DPH6: variants seen among roughly 807,000 people sequenced by gnomAD.
The protein encoded by DPH6 is diphthamine biosynthesis 6, also known as diphthine--ammonia ligase.
In DPH6, 33 loss-of-function variants were observed where a neutral mutation model predicts 38.2. That is an observed-to-expected ratio of 0.86 (90% CI 0.65 to 1.15). The LOEUF (loss-of-function observed/expected upper bound fraction) is 1.15, where lower values mean the gene tolerates loss of function less well. Ranked by LOEUF, DPH6 falls within the 50% of genes most tolerant of loss-of-function variation. The pLI is 0.00. For synonymous variants in DPH6, 108 were observed against 103.0 expected, an observed-to-expected ratio of 1.05 and a Z score of -0.30; for missense variants, 325 against 320.0, an observed-to-expected ratio of 1.02 and a Z score of -0.12.
the DPH6 span, among the ~76,000 whole-genome samples, chr15:35,161,838 A>G: frequency 6.6e-6 from 1 of 151,920 alleles, no homozygotes; most frequent in African/African-American, 2.4e-5. Flanking sequence ...AACTGTGAGA[A>G]ATAAATTTCT....
At chr15:35,481,585 A>G (rs1200903672) in intron 3 of DPH6, among the ~76,000 whole-genome samples, 7 of 152,290 alleles carry the variant, frequency 4.6e-5, no homozygotes, top group Admixed American at 3.9e-4. Context: ...AATTGTTTTA[A>G]TGCATGATTA....
chr15:35,283,221 C>T (rs2051914229), intron 3 of DPH6, among the ~76,000 whole-genome samples: 1 of 145,018 alleles, frequency 6.9e-6, no homozygotes, highest in Non-Finnish European at 1.5e-5. Flanking sequence ...TCTTCCTCTT[C>T]TTTCTTCTTT....
At chr15:35,499,674 C>G (rs1206428113) in intron 3 of DPH6, among the ~76,000 whole-genome samples, 1 of 152,134 alleles carries the variant, frequency 6.6e-6, no homozygotes, top group Non-Finnish European at 1.5e-5. Flanking sequence ...CATTAGGACA[C>G]CAACAAATAA....
intron 3 of DPH6, among the ~76,000 whole-genome samples, chr15:35,479,978 G>A (rs1331272389): frequency 1.3e-5 from 2 of 151,734 alleles, no homozygotes; most frequent in Non-Finnish European, 1.5e-5. Flanking sequence ...ATTTATTATT[G>A]AATTACAATT....
intron 1 of DPH6, among the ~76,000 whole-genome samples, chr15:35,542,943 G>C (rs2055278699): frequency 1.8e-4 from 2 of 10,962 alleles, no homozygotes; most frequent in Non-Finnish European, 3.3e-4. Flanking sequence ...TTCCACTTAA[G>C]GAATATATAT....
chr15:35,232,890 CAAT>C (rs1181880227), intron 3 of DPH6, among the ~76,000 whole-genome samples: 1 of 152,034 alleles, frequency 6.6e-6, no homozygotes, highest in African/African-American at 2.4e-5. Context: ...GACATTTGTA[CAAT>C]AATGTTCAAC....
intron 3 of DPH6, among the ~76,000 whole-genome samples, chr15:35,322,505 C>T (rs1229003495): frequency 2.0e-5 from 3 of 152,284 alleles, no homozygotes; most frequent in Middle Eastern, 3.4e-3. Flanking sequence ...GGCAGTTTCA[C>T]GACCATTTTC....
At chr15:35,233,475 A>C (rs934336973) in intron 3 of DPH6, among the ~76,000 whole-genome samples, 5 of 152,186 alleles carry the variant, frequency 3.3e-5, no homozygotes, top group Admixed American at 6.5e-5. Context: ...CTAGAATAAG[A>C]AAAAATTAAG....
chr15:35,190,790 G>A, the DPH6 span, among the ~76,000 whole-genome samples: 1 of 152,218 alleles, frequency 6.6e-6, no homozygotes. Context: ...AGTTAGTTCG[G>A]CTTTTGCCCT....
downstream of DPH6, among the ~76,000 whole-genome samples, chr15:35,366,228 T>TGTGTGTGTGTG (rs2052657653): frequency 6.9e-6 from 1 of 144,262 alleles, no homozygotes; most frequent in Non-Finnish European, 1.5e-5. Context: ...TTTAGTCATC[T>TGTGTGTGTGTG]TGTGTGTGTG....
intron 3 of DPH6, among the ~76,000 whole-genome samples, chr15:35,491,887 C>T (rs2054487344): frequency 6.6e-6 from 1 of 150,742 alleles, no homozygotes. Flanking sequence ...TATACACGTA[C>T]ATATATATAT....
chr15:35,201,064 C>T, the DPH6 span, among the ~76,000 whole-genome samples: 16 of 143,736 alleles, frequency 1.1e-4, 2 homozygotes, highest in East Asian at 6.2e-4. Flanking sequence ...TATGTATACA[C>T]ACATATTTTA....
chr15:35,427,454 A>G (rs2053583616), intron 5 of DPH6, among the ~76,000 whole-genome samples: 1 of 150,678 alleles, frequency 6.6e-6, no homozygotes, highest in Non-Finnish European at 1.5e-5. Context: ...GCTAATATGA[A>G]GCTTTTCTTT....
At chr15:35,362,143 G>C (rs1237836668) in intron 3 of DPH6, among the ~76,000 whole-genome samples, 1 of 152,122 alleles carries the variant, frequency 6.6e-6, no homozygotes, top group African/African-American at 2.4e-5. Flanking sequence ...AGCTTTTCTG[G>C]GGATGCCTCT....
the DPH6 span, among the ~76,000 whole-genome samples, chr15:35,198,192 AT>A: frequency 0.51 from 76,383 of 150,846 alleles, 23,980 homozygotes; most frequent in Non-Finnish European, 0.7. Context: ...TATTTTATTC[AT>A]TTTTTTTCTA....
In DPH6 at chr15:35,356,410, A is replaced by G. The variant is rs112155099; in HGVS notation, n.207+17111T>C. 3.6e-3 allele frequency among the ~76,000 whole-genome samples: 545 copies of G among 152,126 alleles called. 3 individuals carry two copies. The highest frequency in any genetic ancestry group is 0.012 in the African/African-American group (505 of 41,518). On this transcript the variant is annotated intron_variant and non_coding_transcript_variant, in intron 3 of 3. Transcript: ENST00000558973. Reference sequence around the variant, plus strand: ...TCCTCTGGTTTTTCCCCAACTTTGTAGTTTTATCTACCTTTGGTCTTTGAT... The same window carrying G: ...TCCTCTGGTTTTTCCCCAACTTTGTGGTTTTATCTACCTTTGGTCTTTGAT...
At chr15:35,368,317 A>C (rs1236486586), downstream of DPH6, among the ~76,000 whole-genome samples, 1 of 151,920 alleles carries the variant, frequency 6.6e-6, no homozygotes, top group Non-Finnish European at 1.5e-5. Context: ...TTGGTTCAGT[A>C]TCACTAGAGC....
the DPH6 span, among the ~76,000 whole-genome samples, chr15:35,147,246 G>A: frequency 6.6e-6 from 1 of 152,144 alleles, no homozygotes; most frequent in Admixed American, 6.6e-5. Context: ...CCAAAGTCTT[G>A]TAGCTCTTAA....
chr15:35,195,366 C>G, the DPH6 span, among the ~76,000 whole-genome samples: 1 of 152,102 alleles, frequency 6.6e-6, no homozygotes. Flanking sequence ...AAATAAGAAG[C>G]ACTTACTAGT....
Sources: gnomAD v4.1 joint callset for allele counts (sites outside exome capture counted in the v4.1 genomes callset) on GRCh38, gnomAD v4.1.1 for gene constraint, MANE v1.5 for transcripts, NCBI Gene and HGNC (gene_info 2026-07-23, HGNC 2026-07-21) for gene names.